Variants in FGF14 observed in about 807,000 individuals in gnomAD.
FGF14 encodes fibroblast growth factor homologous factor 4.
FGF14 carries 5 observed loss-of-function variants against 25.5 expected under a neutral mutation model. The ratio of observed to expected loss-of-function variants is 0.20; its 90% CI spans 0.10 to 0.41. The LOEUF (loss-of-function observed/expected upper bound fraction) is 0.41, where lower values mean the gene tolerates loss of function less well. Ranked by LOEUF, FGF14 falls within the 10% of genes least tolerant of loss-of-function variation. FGF14 has a pLI of 1.00. For missense variants in FGF14, 222 were observed against 320.1 expected, an observed-to-expected ratio of 0.69 and a Z score of 2.34; for synonymous variants, 138 against 118.3, an observed-to-expected ratio of 1.17 and a Z score of -1.08.
intron 1 of FGF14, chr13:102,263,271 AT>A: frequency 3.0e-6 from 1 of 334,560 alleles, no homozygotes; most frequent in South Asian, 3.2e-5. Context: ...TAAAAAGCAG[AT>A]TTTATAGGAT....
chr13:101,920,335 C>A (rs2033907929), upstream of FGF14, among the ~76,000 whole-genome samples: 1 of 152,182 alleles, frequency 6.6e-6, no homozygotes, highest in East Asian at 1.9e-4. Context: ...TATTGGGAGC[C>A]TGAACTCTCA....
At chr13:101,940,988 C>G (rs1443006548) in intron 1 of FGF14, among the ~76,000 whole-genome samples, 1 of 152,038 alleles carries the variant, frequency 6.6e-6, no homozygotes, top group Non-Finnish European at 1.5e-5. Context: ...GGGGACATCT[C>G]TAAGACTTAG....
At chr13:101,972,989 T>C (rs935228996) in intron 1 of FGF14, among the ~76,000 whole-genome samples, 6 of 152,202 alleles carry the variant, frequency 3.9e-5, no homozygotes, top group African/African-American at 1.2e-4. Context: ...TGCAGAAATA[T>C]TGTTGACTTG....
At chr13:102,161,641 AAGAAG>A (rs2047724558) in intron 1 of FGF14, among the ~76,000 whole-genome samples, 1 of 14,692 alleles carries the variant, frequency 6.8e-5, no homozygotes, top group Non-Finnish European at 1.3e-4. Flanking sequence ...GAAGAAGAAG[AAGAAG>A]AAGAAGAAGA....
chr13:101,902,469 A>G (rs1466039272), intron 1 of FGF14, among the ~76,000 whole-genome samples: 3 of 152,284 alleles, frequency 2.0e-5, no homozygotes, highest in African/African-American at 7.2e-5. Context: ...TACCATGCCA[A>G]TATATGCAGT....
chr13:101,812,626 TATATA>T, intron 3 of FGF14, among the ~76,000 whole-genome samples: 1 of 9,866 alleles, frequency 1.0e-4, no homozygotes, highest in Admixed American at 8.8e-4. Context: ...TATATATATA[TATATA>T]TATATATATA....
At chr13:102,006,498 A>G (rs9582545) in intron 1 of FGF14, among the ~76,000 whole-genome samples, 5,041 of 152,076 alleles carry the variant, frequency 0.033, 248 homozygotes, top group African/African-American at 0.12. Flanking sequence ...CCCTGAAAGC[A>G]AACTTATTTT....
chr13:102,315,965 T>G (rs1209877814), intron 1 of FGF14, among the ~76,000 whole-genome samples: 1 of 152,230 alleles, frequency 6.6e-6, no homozygotes, highest in East Asian at 1.9e-4. Context: ...AACTAGGACA[T>G]GACTACTTGG....
intron 1 of FGF14, among the ~76,000 whole-genome samples, chr13:102,374,710 A>C (rs2057996005): frequency 8.5e-6 from 1 of 117,170 alleles, no homozygotes; most frequent in South Asian, 2.9e-4. Context: ...CAGTAAGCAG[A>C]CGTGTCAGAT....
intron 1 of FGF14, among the ~76,000 whole-genome samples, chr13:102,360,911 GCAAAGCAAAGAAGGCCATAAATTA>G (rs2057547005): frequency 6.6e-6 from 1 of 151,316 alleles, no homozygotes; most frequent in Non-Finnish European, 1.5e-5. Context: ...GCCACAAATT[GCAAAGCAAAGAAGGCCATAAATTA>G]CAAAGCAAAG....
At chr13:101,839,124 T>C (rs1189374923) in intron 3 of FGF14, among the ~76,000 whole-genome samples, 2 of 152,094 alleles carry the variant, frequency 1.3e-5, no homozygotes, top group Non-Finnish European at 2.9e-5. Context: ...AAATGGTGTG[T>C]CTCTACTAAT....
intron 1 of FGF14, among the ~76,000 whole-genome samples, chr13:102,226,236 T>G (rs757899380): frequency 6.6e-6 from 1 of 152,136 alleles, no homozygotes; most frequent in Non-Finnish European, 1.5e-5. Context: ...GGCTCTATGA[T>G]CCTAAGGTAG....
At chr13:101,751,239 A>T (rs1166991036) in intron 3 of FGF14, among the ~76,000 whole-genome samples, 1 of 152,188 alleles carries the variant, frequency 6.6e-6, no homozygotes, top group East Asian at 1.9e-4. Flanking sequence ...CGTTCATTAT[A>T]AAATTTGTAC....
intron 3 of FGF14, among the ~76,000 whole-genome samples, chr13:101,797,068 G>A (rs1233943286): frequency 6.6e-6 from 1 of 152,200 alleles, no homozygotes; most frequent in Non-Finnish European, 1.5e-5. Flanking sequence ...ATTCTCGCAA[G>A]TCTTCTTTTT....
intron 1 of FGF14, among the ~76,000 whole-genome samples, chr13:101,939,985 A>G (rs2139307251): frequency 6.6e-6 from 1 of 152,334 alleles, no homozygotes; most frequent in Non-Finnish European, 1.5e-5. Context: ...CAGACAGAAC[A>G]AGGTAATTCA....
intron 3 of FGF14, among the ~76,000 whole-genome samples, chr13:101,727,778 C>A (rs914745023): frequency 6.6e-6 from 1 of 151,980 alleles, no homozygotes; most frequent in Non-Finnish European, 1.5e-5. Context: ...TGGTTATAGA[C>A]CATGAAAGAC....
In FGF14 at chr13:101,903,419, T is replaced by A. The variant is rs115489825; in HGVS notation, c.193+13034A>T. Among the ~76,000 whole-genome samples, 1,250 of 152,236 alleles carry A rather than the reference T, an allele frequency of 8.2e-3. 13 individuals carry two copies. The highest frequency in any genetic ancestry group is 0.028 in the African/African-American group (1,177 of 41,544). On this transcript the variant is annotated intron_variant, in intron 1 of 4. Transcript: ENST00000376143. ...ATTTTTAAAAATAATTCTGTACAGA[T>A]TCGAACCCTAGAAGAAAATAATGAG... is the stretch of plus-strand genomic sequence containing the variant.
At chr13:102,114,945 A>G (rs541892853) in intron 1 of FGF14, among the ~76,000 whole-genome samples, 1 of 152,300 alleles carries the variant, frequency 6.6e-6, no homozygotes, top group East Asian at 1.9e-4. Context: ...TTGAACACTC[A>G]CAAATTAGTT....
At chr13:102,193,723 C>A (rs1265543085) in intron 1 of FGF14, among the ~76,000 whole-genome samples, 1 of 152,112 alleles carries the variant, frequency 6.6e-6, no homozygotes, top group African/African-American at 2.4e-5. Context: ...ACAGGAAAGT[C>A]ATGAAACAAA....
Sources: gnomAD v4.1 joint callset for allele counts (sites outside exome capture counted in the v4.1 genomes callset) on GRCh38, gnomAD v4.1.1 for gene constraint, MANE v1.5 for transcripts, NCBI Gene and HGNC (gene_info 2026-07-23, HGNC 2026-07-21) for gene names.